FAT4: variants seen among roughly 807,000 people sequenced by gnomAD.
FAT4 encodes the protein FAT atypical cadherin 4.
FAT4 carries 84 observed loss-of-function variants against 303.9 expected under a neutral mutation model. The observed-to-expected ratio is 0.28, with a 90% CI of 0.23 to 0.33. The LOEUF is 0.33. Ranked by LOEUF, FAT4 falls within the 10% of genes least tolerant of loss-of-function variation. The probability of loss-of-function intolerance (pLI) is 1.00; values close to 1 mark genes in which losing one functional copy is unlikely to be tolerated. For synonymous variants in FAT4, 2,307 were observed against 2,298.8 expected, an observed-to-expected ratio of 1.00 and a Z score of -0.10; for missense variants, 6,005 against 6,146.8, an observed-to-expected ratio of 0.98 and a Z score of 0.77.
At chr4:125,456,195 A>C (rs1726270995) in intron 10 of FAT4, among the ~76,000 whole-genome samples, 1 of 152,206 alleles carries the variant, frequency 6.6e-6, no homozygotes, top group Admixed American at 6.5e-5. Context: ...GAATGTCAGC[A>C]GATGATATGT....
At chr4:125,471,026 T>C (rs1726838980) in intron 12 of FAT4, among the ~76,000 whole-genome samples, 1 of 152,330 alleles carries the variant, frequency 6.6e-6, no homozygotes, top group South Asian at 2.1e-4. Flanking sequence ...GGGTTATTCG[T>C]TGGCATAATT....
At chr4:125,323,517 A>C (rs1731035952) in intron 2 of FAT4, among the ~76,000 whole-genome samples, 1 of 151,972 alleles carries the variant, frequency 6.6e-6, no homozygotes, top group Non-Finnish European at 1.5e-5. Context: ...TGATTTTTTT[A>C]ATTAAAAAAA....
chr4:125,452,090 A>T lies in FAT4; in HGVS notation c.11080A>T (p.Thr3694Ser), dbSNP rs150752497. 1 of 1,614,056 alleles carries T rather than the reference A, an allele frequency of 6.2e-7. No homozygotes were observed. The highest frequency in any genetic ancestry group is 2.2e-5 in the East Asian group (1 of 44,884). ...TVLSNDGVHS[T>S]VTSNIRVFFA... ...CCTTAGCAATGATGGAGTTCACAGC[A>T]CAGTCACGAGCAACATCCGAGTTTT... The change falls in exon 10 of 18, where the codon ACA becomes TCA. Residue 3694 changes from threonine (T) to serine (S), a missense_variant. Physicochemically the swap from Thr to Ser is moderately conservative, Grantham distance 58. Transcript: ENST00000394329.
chr4:125,492,622 A>C lies in FAT4; in HGVS notation c.*854A>C, dbSNP rs1466702979. ...ATGATTGGACTTATTTTCCAACCAG[A>C]TAACATTTACTCTAAGTACCCAGTT... On this transcript the variant is annotated 3_prime_UTR_variant, in exon 18 of 18. Transcript: ENST00000394329. 6.6e-6 allele frequency: 1 copy of C among 152,616 alleles called. No homozygotes were observed. The highest frequency in any genetic ancestry group is 2.4e-5 in the African/African-American group (1 of 41,456). The allele number at this position is 152,616 out of a possible 1,614,324, so 9.5% of individuals were successfully genotyped here.
chr4:125,487,728 C>A, intron 17 of FAT4, 122 bp downstream of exon 17: 2 of 940,634 alleles, frequency 2.1e-6, no homozygotes, highest in Non-Finnish European at 2.9e-6. Flanking sequence ...CAATTTCATT[C>A]AATAAAATTT....
intron 11 of FAT4, among the ~76,000 whole-genome samples, chr4:125,465,322 C>T (rs141829225): frequency 6.6e-6 from 1 of 152,196 alleles, no homozygotes; most frequent in African/African-American, 2.4e-5. Flanking sequence ...TTGAGATGTC[C>T]AAAAACTTTT....
rs1225908457 is a variant in FAT4 at position 125,492,671 on chromosome 4, T to G, written c.*903T>G. The G allele has an allele frequency of 6.6e-6, 1 of 152,608 alleles. No individual in the cohort carries two copies. The highest frequency in any genetic ancestry group is 1.5e-5 in the Non-Finnish European group (1 of 68,030). 9.5% of individuals were successfully genotyped at this position (152,608 alleles called of 1,614,324 possible). A position where few individuals can be genotyped will look rare whatever the true frequency, so the allele number is the denominator to read the frequency against. The stretch of plus-strand genomic sequence containing the variant: ...TTTTTATAATTTATATGAAATCAGA[T>G]TTCAACACTTACTTTGTCATTTTGT... On this transcript the variant is annotated 3_prime_UTR_variant, in exon 18 of 18. Coordinates refer to ENST00000394329, the MANE Select transcript of FAT4 (RefSeq NM_001291303.3).
intron 11 of FAT4, among the ~76,000 whole-genome samples, chr4:125,466,531 A>G (rs891434415): frequency 6.6e-6 from 1 of 151,294 alleles, no homozygotes; most frequent in Non-Finnish European, 1.5e-5. Flanking sequence ...TTTATATACA[A>G]ATTATTAATA....
intron 5 of FAT4, among the ~76,000 whole-genome samples, chr4:125,410,171 C>T (rs1196292214): frequency 6.6e-6 from 1 of 152,046 alleles, no homozygotes; most frequent in Admixed American, 6.6e-5. Flanking sequence ...TTTGATGTTT[C>T]CTCCTCTAAT....
intron 7 of FAT4, among the ~76,000 whole-genome samples, chr4:125,426,375 A>G (rs753130961): frequency 5.3e-5 from 8 of 152,010 alleles, no homozygotes; most frequent in Non-Finnish European, 1.2e-4. Flanking sequence ...CAATTACCAG[A>G]CATGAAATGC....
chr4:125,399,684 A>T (rs183252349), intron 3 of FAT4, among the ~76,000 whole-genome samples: 1 of 152,104 alleles, frequency 6.6e-6, no homozygotes, highest in Non-Finnish European at 1.5e-5. Flanking sequence ...AATAAATAAT[A>T]AAATAATTTT....
chr4:125,346,535 G>T (rs1228876991), intron 2 of FAT4, among the ~76,000 whole-genome samples: 1 of 149,514 alleles, frequency 6.7e-6, no homozygotes, highest in African/African-American at 2.4e-5. Flanking sequence ...ATTTTTTTTT[G>T]AAAAAGTAAA....
At chr4:125,479,977 A>G in intron 15 of FAT4, 112 bp downstream of exon 15, 1 of 788,356 alleles carries the variant, frequency 1.3e-6, no homozygotes, top group Non-Finnish European at 1.8e-6. Context: ...CTAAATATTA[A>G]AATATTAAAT....
intron 8 of FAT4, among the ~76,000 whole-genome samples, chr4:125,441,762 A>C (rs1347528752): frequency 6.6e-6 from 1 of 152,130 alleles, no homozygotes; most frequent in Non-Finnish European, 1.5e-5. Context: ...TCACCCCATA[A>C]ATGGCCCCAG....
At chr4:125,408,379 A>G (rs1734704667) in intron 4 of FAT4, 65 bp from the exon 5 acceptor site, 1 of 1,079,544 alleles carries the variant, frequency 9.3e-7, no homozygotes, top group South Asian at 1.6e-5. Context: ...GTCTCTTTCT[A>G]TATGTTCTCT....
rs139827283 is a variant in FAT4 at position 125,453,598 on chromosome 4, C to T, written c.11800+788C>T. Among the ~76,000 whole-genome samples the T allele has an allele frequency of 5.0e-4, 76 of 151,818 alleles. 2 individuals carry two copies. The East Asian group carries it at 0.014, about 29-fold the overall frequency. ...TTGTGCGCCTGTAGTCCCAGCTACTCGGGAGGCTGAGGCAGAAGAATCACT... is the reference window on the plus strand; with the variant it reads ...TTGTGCGCCTGTAGTCCCAGCTACTTGGGAGGCTGAGGCAGAAGAATCACT... On this transcript the variant is annotated intron_variant, in intron 10 of 17. Transcript: ENST00000394329.
At chr4:125,329,273 G>T (rs898897374) in intron 2 of FAT4, among the ~76,000 whole-genome samples, 16 of 152,128 alleles carry the variant, frequency 1.1e-4, no homozygotes, top group African/African-American at 3.9e-4. Flanking sequence ...TGCCACTCCA[G>T]TGAAATTGCT....
chr4:125,462,683 C>A (rs565855407), intron 10 of FAT4, among the ~76,000 whole-genome samples: 1 of 152,052 alleles, frequency 6.6e-6, no homozygotes, highest in African/African-American at 2.4e-5. Context: ...AGCAGAAGCC[C>A]TAAATTGGTC....
chr4:125,365,258 G>T (rs998052144), intron 2 of FAT4, among the ~76,000 whole-genome samples: 2 of 152,154 alleles, frequency 1.3e-5, no homozygotes, highest in Non-Finnish European at 2.9e-5. Flanking sequence ...CCAGCAGGCA[G>T]ATGGATATGT....
Sources: allele counts gnomAD v4.1 joint callset (sites outside exome capture counted in the v4.1 genomes callset), GRCh38; gene constraint gnomAD v4.1.1; transcripts MANE v1.5; gene names NCBI Gene and HGNC (gene_info 2026-07-23, HGNC 2026-07-21).